S1PR5: variants seen among roughly 807,000 people sequenced by gnomAD.
The protein encoded by S1PR5 is sphingosine-1-phosphate receptor 5.
For synonymous variants in S1PR5, 307 were observed against 284.7 expected, an observed-to-expected ratio of 1.08 and a Z score of -0.79; for missense variants, 583 against 571.7, an observed-to-expected ratio of 1.02 and a Z score of -0.20.
Position 10,514,338 on chromosome 19 carries a change from C to A in S1PR5, c.674G>T (p.Arg225Leu). 2.6e-6 allele frequency: 4 copies of A among 1,562,526 alleles called. No individual in the cohort carries two copies. Among genetic ancestry groups the A allele is most frequent in the Non-Finnish European group, 3.5e-6 (4 of 1,155,640 alleles). Reference sequence around the variant, plus strand: ...CGCAGTCCCGGGCCGTGCCGGCAGGCGCCGCGCGTTGGCGCGTACCTGGCA... The same window carrying A: ...CGCAGTCCCGGGCCGTGCCGGCAGGAGCCGCGCGTTGGCGCGTACCTGGCA... The part of the protein sequence containing the change: ...IYCQVRANAR[R>L]LPARPGTAGT... The change falls in exon 2 of 2, where the codon CGC becomes CTC. Residue 225 changes from arginine (R) to leucine (L), a missense_variant. Physicochemically the swap from Arg to Leu is moderately radical, Grantham distance 102. Transcript: ENST00000333430.
Position 10,513,905 on chromosome 19 carries a change from C to G in S1PR5, c.1107G>C (p.Gln369His), listed in dbSNP as rs574138738. 8.7e-6 allele frequency: 14 copies of G among 1,609,642 alleles called. No homozygotes were observed. Among genetic ancestry groups the G allele is most frequent in the African/African-American group, 1.3e-5 (1 of 74,908 alleles). The change falls in exon 2 of 2, where the codon CAG (glutamine) becomes CAC (histidine). Residue 369 changes from glutamine (Q) to histidine (H), a missense_variant. Coordinates refer to ENST00000333430, the MANE Select transcript of S1PR5 (RefSeq NM_030760.5). ...SFSGSERSSP[Q>H]RDGLDTSGST... ...AGCCGCTGGTGTCCAGCCCGTCGCG[C>G]TGGGGCGATGAGCGCTCCGAGCCGC...
chr19:10,515,174 TAG>T (rs1915406121), intron 1 of S1PR5, 145 bp from the exon 2 acceptor site: 1 of 1,072,830 alleles, frequency 9.3e-7, no homozygotes, highest in Non-Finnish European at 1.3e-6. Context: ...GATGGAGGGA[TAG>T]AGTCCGTGGA....
chr19:10,517,340 AC>A, intron 1 of S1PR5, 57 bp downstream of exon 1: 1 of 978,128 alleles, frequency 1.0e-6, no homozygotes, highest in Non-Finnish European at 1.2e-6. Context: ...CGCCAGGGCG[AC>A]CCCCTCCGGG....
chr19:10,514,864 T>G lies in S1PR5; in HGVS notation c.148A>C (p.Ile50Leu), dbSNP rs1005534931. ...AVVCLAVCAF[I>L]VLENLAVLLV... ...AACACGGCTAGATTCTCTAGCACGATGAAGGCGCACACCGCCAGGCACACC... is the reference window on the plus strand; with the variant it reads ...AACACGGCTAGATTCTCTAGCACGAGGAAGGCGCACACCGCCAGGCACACC... The change falls in exon 2 of 2, where the codon ATC becomes CTC. Residue 50 changes from isoleucine (I) to leucine (L), a missense_variant. Physicochemically the swap from Ile to Leu is conservative, Grantham distance 5. Transcript: ENST00000333430. 2 of 1,612,722 alleles carry G rather than the reference T, an allele frequency of 1.2e-6. No homozygotes were observed. The highest frequency in any genetic ancestry group is 1.7e-6 in the Non-Finnish European group (2 of 1,179,604).
intron 1 of S1PR5, among the ~76,000 whole-genome samples, chr19:10,515,968 A>T (rs755994836): frequency 6.6e-5 from 10 of 152,132 alleles, no homozygotes; most frequent in Non-Finnish European, 1.3e-4. Context: ...AGGGAGTTCC[A>T]GAGACGTAAC....
chr19:10,515,415 T>G (rs1205183696), intron 1 of S1PR5, among the ~76,000 whole-genome samples: 1 of 151,788 alleles, frequency 6.6e-6, no homozygotes, highest in Non-Finnish European at 1.5e-5. Flanking sequence ...ATCGAGACCA[T>G]CCTGGCTAAC....
rs1370574137 is a variant in S1PR5, at chr19:10,514,899, G to T, written c.113C>A (p.Ala38Asp). The T allele has an allele frequency of 1.9e-6, 3 of 1,611,418 alleles. No individual in the cohort carries two copies. Among genetic ancestry groups the T allele is most frequent in the African/African-American group, 1.3e-5 (1 of 75,024 alleles). ...ARYQPGAGLR[A>D]DAVVCLAVCA... ...CACCGCCAGGCACACCACGGCGTCG[G>T]CGCGCAGGCCGGCACCCGGCTGGTA... The change falls in exon 2 of 2, where the codon GCC (alanine) becomes GAC (aspartate). Residue 38 changes from alanine to aspartate, a missense_variant. Coordinates refer to ENST00000333430, the MANE Select transcript of S1PR5 (RefSeq NM_030760.5).
chr19:10,517,635 G>C (rs1411747789), upstream of S1PR5: 1 of 985,104 alleles, frequency 1.0e-6, no homozygotes, highest in East Asian at 1.1e-4. Flanking sequence ...GCACAGGCGA[G>C]CCCTCAGCTG....
At position 10,513,386 on chromosome 19, in the gene S1PR5, C is replaced by A; in HGVS notation, c.*429G>T. On this transcript the variant is annotated 3_prime_UTR_variant, in exon 2 of 2. Coordinates refer to ENST00000333430, the MANE Select transcript of S1PR5 (RefSeq NM_030760.5). ...TCTCCCCCTCCGTCCCTGCTCCAGGCACACCAGCATCGCTGCATTTCTTAG... is the reference window on the plus strand; with the variant it reads ...TCTCCCCCTCCGTCCCTGCTCCAGGAACACCAGCATCGCTGCATTTCTTAG... 2.3e-6 allele frequency: 1 copy of A among 427,780 alleles called. No homozygotes were observed. Among genetic ancestry groups the A allele is most frequent in the Non-Finnish European group, 4.1e-6 (1 of 244,774 alleles). The allele number at this position is 427,780 out of a possible 1,614,324, so 26.5% of individuals were successfully genotyped here. A position where few individuals can be genotyped will look rare whatever the true frequency, so the allele number is the denominator to read the frequency against.
chr19:10,517,578 G>T, upstream of S1PR5: 2 of 985,396 alleles, frequency 2.0e-6, no homozygotes, highest in Non-Finnish European at 2.4e-6. Flanking sequence ...ATGGCTGCCA[G>T]CCTGTGCCAC....
chr19:10,517,737 G>T, upstream of S1PR5: 4 of 979,278 alleles, frequency 4.1e-6, no homozygotes, highest in Non-Finnish European at 4.9e-6. Context: ...GCAGCAGGGC[G>T]GTCGCAGCCT....
chr19:10,515,100 G>A (rs1568406988), intron 1 of S1PR5, 71 bp from the exon 2 acceptor site: 33 of 1,499,300 alleles, frequency 2.2e-5, no homozygotes, highest in Non-Finnish European at 2.6e-5. Context: ...CGGCTAAGTC[G>A]TGGGAAAGGG....
Position 10,513,839 on chromosome 19 carries a change from C to T in S1PR5, c.1173G>A (p.Leu391=). The T allele has an allele frequency of 6.2e-7, 1 of 1,612,792 alleles. No homozygotes were observed. The highest frequency in any genetic ancestry group is 8.5e-7 in the Non-Finnish European group (1 of 1,179,830). ...SPGAPTAART[L]VSEPAAD ...GTCAGTCTGCAGCCGGTTCTGATAC[C>T]AGAGTCCGGGCGGCTGTGGGTGCAC... Residue 391 remains leucine, a synonymous_variant, in exon 2 of 2, where the codon CTG becomes CTA. Transcript: ENST00000333430.
chr19:10,517,783 C>T, upstream of S1PR5: 1 of 817,216 alleles, frequency 1.2e-6, no homozygotes, highest in Admixed American at 6.2e-5. Context: ...TCTCCTCTGT[C>T]CTGGGTGTCC....
chr19:10,514,282 G>T lies in S1PR5; in HGVS notation c.730C>A (p.Pro244Thr). The change falls in exon 2 of 2, where the codon CCG becomes ACG. Residue 244 changes from proline (P) to threonine (T), a missense_variant. By Grantham distance (38) the Pro-to-Thr change is conservative. Transcript: ENST00000333430. ...GTGCGCAGCAAGGCCAGCGAGCGCGGCTTGCGACGCGCCCGGGTCGAGGTG... is the reference window on the plus strand; with the variant it reads ...GTGCGCAGCAAGGCCAGCGAGCGCGTCTTGCGACGCGCCCGGGTCGAGGTG... ...GTTSTRARRK[P>T]RSLALLRTLS... The T allele has an allele frequency of 6.4e-7, 1 of 1,574,014 alleles. No individual in the cohort carries two copies. The highest frequency in any genetic ancestry group is 8.6e-7 in the Non-Finnish European group (1 of 1,160,596).
rs779400097 is a variant in S1PR5 at position 10,514,889 on chromosome 19, C to T, written c.123G>A (p.Val41=). ...QPGAGLRADA[V]VCLAVCAFIV... The stretch of plus-strand genomic sequence containing the variant: ...TGAAGGCGCACACCGCCAGGCACAC[C>T]ACGGCGTCGGCGCGCAGGCCGGCAC... The change falls in exon 2 of 2, where the codon GTG becomes GTA. Residue 41 remains valine (V), a synonymous_variant. Transcript: ENST00000333430. The T allele has an allele frequency of 3.7e-6, 6 of 1,611,804 alleles. No homozygotes were observed. In the South Asian group the frequency reaches 6.6e-5, roughly 18 times the overall value.
At chr19:10,515,298 C>CA (rs1915410747) in intron 1 of S1PR5, among the ~76,000 whole-genome samples, 1 of 151,844 alleles carries the variant, frequency 6.6e-6, no homozygotes, top group Non-Finnish European at 1.5e-5. Context: ...CATGGCTGGG[C>CA]GCGGTGGCTC....
In S1PR5 at chr19:10,514,207, G is replaced by A. The variant is rs1410955355; in HGVS notation, c.805C>T (p.Leu269=). 6.2e-7 allele frequency: 1 copy of A among 1,611,446 alleles called. No homozygotes were observed. The highest frequency in any genetic ancestry group is 8.5e-7 in the Non-Finnish European group (1 of 1,179,182). The stretch of plus-strand genomic sequence containing the variant: ...CACGCCACGTCGAGCAACAGCAGCA[G>A]GAAGAGGGGGCCCCAACATGCCACA... ...AFVACWGPLF[L]LLLLDVACPA... The change falls in exon 2 of 2, where the codon CTG becomes TTG. Residue 269 remains leucine (L), a synonymous_variant. Coordinates refer to ENST00000333430, the MANE Select transcript of S1PR5 (RefSeq NM_030760.5).
chr19:10,514,565 C>A lies in S1PR5; in HGVS notation c.447G>T (p.Gly149=). The A allele has an allele frequency of 7.0e-6, 11 of 1,577,914 alleles. No homozygotes were observed. Among genetic ancestry groups the A allele is most frequent in the Non-Finnish European group, 8.6e-6 (10 of 1,163,402 alleles). The change falls in exon 2 of 2, where the codon GGG becomes GGT. Residue 149 remains glycine, a synonymous_variant. Transcript: ENST00000333430. ...RRGPAPVSSR[G]RTLAMAAAAW... ...CCGCGGCTGCCATCGCCAGCGTGCG[C>A]CCCCGACTGGAGACGGGCGCGGGCC...
Sources: gnomAD v4.1 joint callset for allele counts (sites outside exome capture counted in the v4.1 genomes callset) on GRCh38, gnomAD v4.1.1 for gene constraint, MANE v1.5 for transcripts, NCBI Gene and HGNC (gene_info 2026-07-23, HGNC 2026-07-21) for gene names.